The following MC5R variants were observed in gnomAD, a reference collection of about 807,000 sequenced individuals.
The protein encoded by MC5R is melanocortin receptor 5.
For missense variants in MC5R, 420 were observed against 431.4 expected, an observed-to-expected ratio of 0.97 and a Z score of 0.23; for synonymous variants, 167 against 164.4, an observed-to-expected ratio of 1.02 and a Z score of -0.12.
Position 13,827,024 on chromosome 18 carries a change from A to C in MC5R, c.*281A>C. On this transcript the variant is annotated 3_prime_UTR_variant, in exon 2 of 2. Transcript: ENST00000589410. ...TTTCTGGGGGCCCCATCCACCCTCC[A>C]CCTAGCAGGCATGTGCTCGGGGAAT... 1 of 357,722 alleles carries C rather than the reference A, an allele frequency of 2.8e-6. No individual in the cohort carries two copies. The highest frequency in any genetic ancestry group is 5.1e-6 in the Non-Finnish European group (1 of 197,620). The allele number at this position is 357,722 out of a possible 1,614,324, so 22.2% of individuals were successfully genotyped here. A position where few individuals can be genotyped will look rare whatever the true frequency, so the allele number is the denominator to read the frequency against.
intron 1 of MC5R, among the ~76,000 whole-genome samples, chr18:13,825,258 C>A (rs552546857): frequency 6.6e-6 from 1 of 152,216 alleles, no homozygotes; most frequent in South Asian, 2.1e-4. Flanking sequence ...TGAACTTGAG[C>A]CCAGGAGAGA....
rs751128056 is a variant in MC5R at position 13,825,801 on chromosome 18, C to T, written c.36C>T (p.Leu12=). ...CATTTCACCTGCATTTCTTGGATCT[C>T]AACCTGAATGCCACAGAGGGCAACC... The part of the protein sequence containing the change: ...NSSFHLHFLD[L]NLNATEGNLS... Residue 12 remains leucine (L), a synonymous_variant, in exon 2 of 2, where the codon CTC becomes CTT. Coordinates refer to ENST00000589410, the MANE Select transcript of MC5R (RefSeq NM_005913.3). 2 of 1,594,418 alleles carry T rather than the reference C, an allele frequency of 1.3e-6. No homozygotes were observed. The highest frequency in any genetic ancestry group is 1.8e-5 in the Admixed American group (1 of 55,460).
intron 1 of MC5R, 82 bp from the exon 2 acceptor site, chr18:13,825,645 G>A (rs574816980): frequency 1.1e-5 from 9 of 783,038 alleles, no homozygotes; most frequent in African/African-American, 8.7e-5. Flanking sequence ...TTCTTAGGCT[G>A]TGTTGGTTCT....
Position 13,826,249 on chromosome 18 carries a change from A to C in MC5R, c.484A>C (p.Ile162Leu), listed in dbSNP as rs371612307. 6.2e-7 allele frequency: 1 copy of C among 1,614,124 alleles called. No individual in the cohort carries two copies. The change falls in exon 2 of 2, where the codon ATC becomes CTC. Residue 162 changes from isoleucine to leucine, a missense_variant. By Grantham distance (5) the Ile-to-Leu change is conservative. Coordinates refer to ENST00000589410, the MANE Select transcript of MC5R (RefSeq NM_005913.3). ...CATGACGGCGAGGCGCTCAGGGGCC[A>C]TCATCGCCGGCATCTGGGCTTTCTG... The part of the protein sequence containing the change: ...HIMTARRSGA[I>L]IAGIWAFCTG...
chr18:13,825,842 T>C lies in MC5R; in HGVS notation c.77T>C (p.Val26Ala). The change falls in exon 2 of 2, where the codon GTC becomes GCC. Residue 26 changes from valine (V) to alanine (A), a missense_variant. Coordinates refer to ENST00000589410, the MANE Select transcript of MC5R (RefSeq NM_005913.3). The part of the protein sequence containing the change: ...ATEGNLSGPN[V>A]KNKSSPCEDM... ...GAGGGCAACCTTTCAGGACCCAATG[T>C]CAAAAACAAGTCTTCACCATGTGAA... 2 of 1,613,454 alleles carry C rather than the reference T, an allele frequency of 1.2e-6. No homozygotes were observed. The highest frequency in any genetic ancestry group is 1.7e-6 in the Non-Finnish European group (2 of 1,179,834).
chr18:13,824,379 TGA>T (rs2044916072), intron 1 of MC5R, 105 bp downstream of exon 1: 1 of 152,260 alleles, frequency 6.6e-6, no homozygotes, highest in Non-Finnish European at 1.5e-5. Flanking sequence ...GCTTGCCCCG[TGA>T]GTTTTTAACA....
chr18:13,826,256 C>T lies in MC5R; in HGVS notation c.491C>T (p.Ala164Val). The T allele has an allele frequency of 6.2e-7, 1 of 1,614,164 alleles. No individual in the cohort carries two copies. ...MTARRSGAII[A>V]GIWAFCTGCG... ...GCGAGGCGCTCAGGGGCCATCATCG[C>T]CGGCATCTGGGCTTTCTGCACGGGC... The change falls in exon 2 of 2, where the codon GCC becomes GTC. Residue 164 changes from alanine to valine, a missense_variant. Transcript: ENST00000589410.
chr18:13,827,229 A>T lies in MC5R; in HGVS notation c.*486A>T, dbSNP rs1481951776. On this transcript the variant is annotated 3_prime_UTR_variant, in exon 2 of 2. Transcript: ENST00000589410. ...AGAAAAGAGTGGCCAGATTCTTTCC[A>T]TCAGAAGCAATCTGTTCATTTGTTC... The T allele has an allele frequency of 1.3e-5, 2 of 154,162 alleles. No homozygotes were observed. The highest frequency in any genetic ancestry group is 2.4e-5 in the African/African-American group (1 of 41,486). The allele number at this position is 154,162 out of a possible 1,614,324, so 9.5% of individuals were successfully genotyped here.
At position 13,826,976 on chromosome 18, in the gene MC5R, A is replaced by C. The variant is rs17848297; in HGVS notation, c.*233A>C. ...ATTTCTTACTGTCCTTTTGTGTCCTATGGTTTCTACTGCTCCCACCCATTT... is the reference window on the plus strand; with the variant it reads ...ATTTCTTACTGTCCTTTTGTGTCCTCTGGTTTCTACTGCTCCCACCCATTT... On this transcript the variant is annotated 3_prime_UTR_variant, in exon 2 of 2. Transcript: ENST00000589410. The C allele has an allele frequency of 0.024, 11,746 of 498,992 alleles. 161 individuals are homozygous for C. Among genetic ancestry groups the C allele is most frequent in the Middle Eastern group, 0.034 (65 of 1,932 alleles). The allele number at this position is 498,992 out of a possible 1,614,324, so 30.9% of individuals were successfully genotyped here. A position where few individuals can be genotyped will look rare whatever the true frequency, so the allele number is the denominator to read the frequency against.
chr18:13,826,805 C>T lies in MC5R; in HGVS notation c.*62C>T. ...TGTTTGCTCACCTATGACAAAGCGA[C>T]AGCCAAGGGGTAGGCGGGAGTGCTA... On this transcript the variant is annotated 3_prime_UTR_variant, in exon 2 of 2. Coordinates refer to ENST00000589410, the MANE Select transcript of MC5R (RefSeq NM_005913.3). 6.6e-7 allele frequency: 1 copy of T among 1,518,746 alleles called. No individual in the cohort carries two copies. The highest frequency in any genetic ancestry group is 8.8e-7 in the Non-Finnish European group (1 of 1,140,138). 94.1% of individuals were successfully genotyped at this position (1,518,746 alleles called of 1,614,324 possible).
At position 13,826,282 on chromosome 18, in the gene MC5R, T is replaced by C. The variant is rs1290932002; in HGVS notation, c.517T>C (p.Cys173Arg). 1 of 1,614,192 alleles carries C rather than the reference T, an allele frequency of 6.2e-7. No individual in the cohort carries two copies. Among genetic ancestry groups the C allele is most frequent in the East Asian group, 2.2e-5 (1 of 44,870 alleles). ...IAGIWAFCTG[C>R]GIVFILYSES... Reference sequence around the variant, plus strand: ...CGGCATCTGGGCTTTCTGCACGGGCTGCGGCATTGTCTTCATCCTGTACTC... The same window carrying C: ...CGGCATCTGGGCTTTCTGCACGGGCCGCGGCATTGTCTTCATCCTGTACTC... Residue 173 changes from cysteine to arginine, a missense_variant, in exon 2 of 2, where the codon TGC becomes CGC. Physicochemically the swap from Cys to Arg is radical, Grantham distance 180. Coordinates refer to ENST00000589410, the MANE Select transcript of MC5R (RefSeq NM_005913.3).
rs1241773574 is a variant in MC5R, at chr18:13,824,196, C to G, written c.-118C>G. On this transcript the variant is annotated 5_prime_UTR_variant, in exon 1 of 2. Coordinates refer to ENST00000589410, the MANE Select transcript of MC5R (RefSeq NM_005913.3). ...GGGAGAGGCCCGTCCGGGGCTGGCTCTGAGCGCCGCACGGCCGTCGGATCC... is the reference window on the plus strand; with the variant it reads ...GGGAGAGGCCCGTCCGGGGCTGGCTGTGAGCGCCGCACGGCCGTCGGATCC... 1 of 152,236 alleles carries G rather than the reference C, an allele frequency of 6.6e-6. No individual in the cohort carries two copies. Among genetic ancestry groups the G allele is most frequent in the Non-Finnish European group, 1.5e-5 (1 of 68,060 alleles). 9.4% of individuals were successfully genotyped at this position (152,236 alleles called of 1,614,324 possible).
chr18:13,825,605 TC>T (rs2044923405), intron 1 of MC5R, 121 bp from the exon 2 acceptor site: 2 of 528,488 alleles, frequency 3.8e-6, no homozygotes, highest in Non-Finnish European at 6.5e-6. Context: ...CCGAGCCCAG[TC>T]CTCTGATGCA....
chr18:13,826,442 G>A lies in MC5R; in HGVS notation c.677G>A (p.Ser226Asn), dbSNP rs1456245912. The change falls in exon 2 of 2, where the codon AGC becomes AAC. Residue 226 changes from serine (S) to asparagine (N), a missense_variant. By Grantham distance (46) the Ser-to-Asn change is conservative. Coordinates refer to ENST00000589410, the MANE Select transcript of MC5R (RefSeq NM_005913.3). The stretch of plus-strand genomic sequence containing the variant: ...CGGATCGCGGCTCTGCCCGGGGCCA[G>A]CTCTGCGCGGCAGAGGACCAGCATG... ...VKRIAALPGA[S>N]SARQRTSMQG... 3.1e-6 allele frequency: 5 copies of A among 1,613,694 alleles called. No homozygotes were observed. In the African/African-American group the frequency reaches 6.7e-5, roughly 22 times the overall value.
chr18:13,826,392 C>T lies in MC5R; in HGVS notation c.627C>T (p.Phe209=), dbSNP rs2236700. ...FLLVSLYIHM[F]LLARTHVKRI... The stretch of plus-strand genomic sequence containing the variant: ...TGGTGTCTCTGTACATACACATGTT[C>T]CTCCTGGCGCGGACTCACGTCAAGC... The change falls in exon 2 of 2, where the codon TTC becomes TTT. Residue 209 remains phenylalanine (F), a synonymous_variant. Coordinates refer to ENST00000589410, the MANE Select transcript of MC5R (RefSeq NM_005913.3). 4.3e-6 allele frequency: 7 copies of T among 1,613,916 alleles called. No homozygotes were observed. The highest frequency in any genetic ancestry group is 1.6e-4 in the Middle Eastern group (1 of 6,062).
At position 13,827,123 on chromosome 18, in the gene MC5R, C is replaced by T. The variant is rs2044935821; in HGVS notation, c.*380C>T. On this transcript the variant is annotated 3_prime_UTR_variant, in exon 2 of 2. Transcript: ENST00000589410. The stretch of plus-strand genomic sequence containing the variant: ...CGCGAAGAAAACCGTGATATCGACG[C>T]CAGGTGGGATTGCTTCTTCTCCCCA... 1 of 179,512 alleles carries T rather than the reference C, an allele frequency of 5.6e-6. No homozygotes were observed. The highest frequency in any genetic ancestry group is 2.4e-5 in the African/African-American group (1 of 42,156). 11.1% of individuals were successfully genotyped at this position (179,512 alleles called of 1,614,324 possible).
At chr18:13,825,151 T>C (rs1015772726) in intron 1 of MC5R, among the ~76,000 whole-genome samples, 2 of 152,122 alleles carry the variant, frequency 1.3e-5, no homozygotes, top group African/African-American at 2.4e-5. Context: ...AAATCGGAGC[T>C]CCCTTGAGGA....
At position 13,826,791 on chromosome 18, in the gene MC5R, C is replaced by A; in HGVS notation, c.*48C>A. The stretch of plus-strand genomic sequence containing the variant: ...GCTCTGTTCTCCTTTGTTTGCTCAC[C>A]TATGACAAAGCGACAGCCAAGGGGT... On this transcript the variant is annotated 3_prime_UTR_variant, in exon 2 of 2. Transcript: ENST00000589410. The A allele has an allele frequency of 7.8e-6, 12 of 1,533,642 alleles. No individual in the cohort carries two copies. Among genetic ancestry groups the A allele is most frequent in the Non-Finnish European group, 1.0e-5 (12 of 1,148,478 alleles).
Position 13,826,774 on chromosome 18 carries a change from C to T in MC5R, c.*31C>T, listed in dbSNP as rs201932468. The T allele has an allele frequency of 2.4e-5, 37 of 1,562,700 alleles. No homozygotes were observed. The highest frequency in any genetic ancestry group is 3.0e-5 in the Non-Finnish European group (35 of 1,160,000). ...AAGTGCTCCTCTCTGTGGCTCTGTTCTCCTTTGTTTGCTCACCTATGACAA... is the reference window on the plus strand; with the variant it reads ...AAGTGCTCCTCTCTGTGGCTCTGTTTTCCTTTGTTTGCTCACCTATGACAA... On this transcript the variant is annotated 3_prime_UTR_variant, in exon 2 of 2. Transcript: ENST00000589410.
Sources: allele counts gnomAD v4.1 joint callset (sites outside exome capture counted in the v4.1 genomes callset), GRCh38; gene constraint gnomAD v4.1.1; transcripts MANE v1.5; gene names NCBI Gene and HGNC (gene_info 2026-07-23, HGNC 2026-07-21).